Variants in CSNK1G3 observed in about 807,000 individuals in gnomAD.
CSNK1G3 encodes casein kinase I isoform gamma-3.
Under a neutral mutation model 64.3 loss-of-function variants are expected in CSNK1G3, and 23 were observed. That is an observed-to-expected ratio of 0.36 (90% CI 0.26 to 0.51). CSNK1G3 has a LOEUF of 0.51. Among genes scored for constraint, CSNK1G3 ranks in the 20% least tolerant of loss-of-function variants. The pLI, the probability that CSNK1G3 is intolerant of heterozygous loss-of-function variation, is 0.96. For missense variants in CSNK1G3, 357 were observed against 510.5 expected (o/e 0.70, Z 2.90); for synonymous variants, 158 against 162.2 (o/e 0.97, Z 0.20).
At chr5:123,581,800 C>T (rs1451506714) in intron 6 of CSNK1G3, among the ~76,000 whole-genome samples, 1 of 151,662 alleles carries the variant, frequency 6.6e-6, no homozygotes, top group African/African-American at 2.4e-5. Context: ...GTAGTGCCAA[C>T]TAAAGTAACT....
intron 1 of CSNK1G3, among the ~76,000 whole-genome samples, chr5:123,515,035 T>G (rs372173745): frequency 3.3e-5 from 5 of 152,288 alleles, no homozygotes; most frequent in African/African-American, 1.2e-4. Flanking sequence ...CAGAAAAGTA[T>G]ATAATCCAAA....
chr5:123,585,795 A>G (rs1791222767), intron 6 of CSNK1G3, among the ~76,000 whole-genome samples: 1 of 152,240 alleles, frequency 6.6e-6, no homozygotes, highest in South Asian at 2.1e-4. Context: ...TTAAAAGACC[A>G]TACAGAGGTT....
rs746753488 is a variant in CSNK1G3 at position 123,545,670 on chromosome 5, A to G, written c.7A>G (p.Asn3Asp). 7.4e-6 allele frequency: 12 copies of G among 1,611,396 alleles called. No individual in the cohort carries two copies. In the Admixed American group the frequency reaches 2.0e-4, roughly 27 times the overall value. ...GGAGTACCGCAAACTTGATATGGAAAATAAAAAGAAAGACAAGGACAAATC... is the reference window on the plus strand; with the variant it reads ...GGAGTACCGCAAACTTGATATGGAAGATAAAAAGAAAGACAAGGACAAATC... The change falls in exon 2 of 13, where the codon AAT (asparagine) becomes GAT (aspartate). Residue 3 changes from asparagine to aspartate, a missense_variant. This residue lies in a region of CSNK1G3 where 42 missense variants were observed against 43.0 expected (regional missense o/e 0.98). Transcript: ENST00000345990.
At chr5:123,531,432 G>A (rs1303022537) in intron 1 of CSNK1G3, among the ~76,000 whole-genome samples, 1 of 151,944 alleles carries the variant, frequency 6.6e-6, no homozygotes, top group Non-Finnish European at 1.5e-5. Flanking sequence ...TCTGTGTTTT[G>A]TAGATTCATC....
At chr5:123,557,525 C>T in exon 4 of CSNK1G3, 1 of 1,607,906 alleles carries the variant, frequency 6.2e-7, no homozygotes, top group Non-Finnish European at 8.5e-7. Context: ...ACCACAGCTA[C>T]ATTTGGAATA....
intron 1 of CSNK1G3, among the ~76,000 whole-genome samples, chr5:123,522,587 A>G (rs1393665110): frequency 1.3e-4 from 20 of 151,938 alleles, no homozygotes; most frequent in Admixed American, 1.2e-3. Context: ...AACCTTTGAC[A>G]CCTTCCCCTA....
At chr5:123,578,556 T>C (rs1789615524) in intron 6 of CSNK1G3, among the ~76,000 whole-genome samples, 1 of 151,942 alleles carries the variant, frequency 6.6e-6, no homozygotes, top group African/African-American at 2.4e-5. Flanking sequence ...AGTCTTTGCT[T>C]GCCTATTCAT....
At position 123,604,627 on chromosome 5, in the gene CSNK1G3, A is replaced by G. The variant is rs573366087; in HGVS notation, c.1087-97A>G. On this transcript the variant is annotated intron_variant, in intron 10 of 12. Transcript: ENST00000345990. ...ACTTTCTAATTGAAATACTTTAACAATTATGTTTATCCTTGTATAACCTAT... is the reference window on the plus strand; with the variant it reads ...ACTTTCTAATTGAAATACTTTAACAGTTATGTTTATCCTTGTATAACCTAT... 8.2e-5 allele frequency: 48 copies of G among 586,004 alleles called. No individual in the cohort carries two copies. The South Asian group carries it at 1.0e-3, about 12-fold the overall frequency. The allele number at this position is 586,004 out of a possible 1,614,324, so 36.3% of individuals were successfully genotyped here.
intron 1 of CSNK1G3, among the ~76,000 whole-genome samples, chr5:123,522,364 G>A (rs1396335213): frequency 2.6e-5 from 4 of 152,040 alleles, no homozygotes; most frequent in Admixed American, 6.6e-5. Context: ...TTAGCGGGGC[G>A]TGGTGGCACA....
chr5:123,548,506 A>T (rs541521990), intron 2 of CSNK1G3, among the ~76,000 whole-genome samples: 1 of 151,476 alleles, frequency 6.6e-6, no homozygotes, highest in African/African-American at 2.4e-5. Flanking sequence ...AAATGGGTAA[A>T]CATTTGAAAT....
intron 10 of CSNK1G3, among the ~76,000 whole-genome samples, chr5:123,603,582 ATACTG>A (rs1561618288): frequency 2.0e-5 from 3 of 152,140 alleles, no homozygotes; most frequent in Non-Finnish European, 4.4e-5. Context: ...ATACTGATAA[ATACTG>A]TACAAATAAT....
intron 11 of CSNK1G3, 121 bp from the exon 13 acceptor site, chr5:123,605,218 A>T (rs1326112536): frequency 3.6e-6 from 3 of 827,380 alleles, no homozygotes; most frequent in Non-Finnish European, 5.5e-6. Flanking sequence ...CATAAATTAT[A>T]ACAACATTGC....
chr5:123,593,423 C>G (rs1272324402), intron 10 of CSNK1G3, among the ~76,000 whole-genome samples: 2 of 152,102 alleles, frequency 1.3e-5, no homozygotes, highest in Non-Finnish European at 1.5e-5. Context: ...GATTATGTCA[C>G]GTGACTTAAA....
chr5:123,528,287 T>C (rs1779394426), intron 1 of CSNK1G3, among the ~76,000 whole-genome samples: 1 of 152,146 alleles, frequency 6.6e-6, no homozygotes, highest in Non-Finnish European at 1.5e-5. Flanking sequence ...CTCTTAGAGC[T>C]ATAAATTGCC....
At chr5:123,613,432 T>C (rs766168366) in intron 12 of CSNK1G3, among the ~76,000 whole-genome samples, 60 of 148,072 alleles carry the variant, frequency 4.1e-4, no homozygotes, top group South Asian at 1.1e-3. Context: ...TGTGTGTGTG[T>C]GCGTATGTAT....
chr5:123,568,398 C>G (rs752623458), intron 4 of CSNK1G3, among the ~76,000 whole-genome samples: 1 of 152,236 alleles, frequency 6.6e-6, no homozygotes, highest in African/African-American at 2.4e-5. Context: ...AAAATCCACT[C>G]TTTGTCTCAC....
chr5:123,522,282 T>A (rs1210403692), intron 1 of CSNK1G3, among the ~76,000 whole-genome samples: 1 of 151,972 alleles, frequency 6.6e-6, no homozygotes, highest in Admixed American at 6.6e-5. Context: ...GGCAGGCGGA[T>A]CACGAGGTCA....
chr5:123,546,603 T>A lies in CSNK1G3; in HGVS notation c.178+762T>A, dbSNP rs17150470. ...AAGGAGGGTGTTATGGTTATAATGG[T>A]TGTATAGAAGTCAGTATTCAGGTAC... On this transcript the variant is annotated intron_variant, in intron 2 of 12. Transcript: ENST00000345990. Among the ~76,000 whole-genome samples the A allele has an allele frequency of 7.8e-4, 119 of 152,144 alleles. 1 individual carries two copies. The East Asian group carries it at 0.021, about 26-fold the overall frequency.
At chr5:123,538,762 C>T (rs958812949) in intron 1 of CSNK1G3, among the ~76,000 whole-genome samples, 3 of 152,058 alleles carry the variant, frequency 2.0e-5, no homozygotes, top group African/African-American at 4.8e-5. Context: ...TCTTATTGTT[C>T]AGTTGCAGCG....
Sources: allele counts gnomAD v4.1 joint callset (sites outside exome capture counted in the v4.1 genomes callset), GRCh38; gene constraint gnomAD v4.1.1; regional missense constraint gnomAD v4.1.1; transcripts MANE v1.5; gene names NCBI Gene and HGNC (gene_info 2026-07-23, HGNC 2026-07-21).